The following ZMAT4 variants were observed in gnomAD, a reference collection of about 807,000 sequenced individuals.
The protein encoded by ZMAT4 is zinc finger matrin-type protein 4.
A neutral mutation model predicts 28.7 loss-of-function variants in ZMAT4; 17 were observed. The ratio of observed to expected loss-of-function variants is 0.59; its 90% CI spans 0.41 to 0.89. The LOEUF (loss-of-function observed/expected upper bound fraction) is 0.89, where lower values mean the gene tolerates loss of function less well. ZMAT4 is among the 40% of genes least tolerant of loss of function. ZMAT4 has a pLI of 0.00. For synonymous variants in ZMAT4, 117 were observed against 109.2 expected (o/e 1.07, Z -0.44); for missense variants, 240 against 283.8 (o/e 0.85, Z 1.11).
At chr8:40,847,242 C>T (rs1368300982) in intron 1 of ZMAT4, among the ~76,000 whole-genome samples, 1 of 150,580 alleles carries the variant, frequency 6.6e-6, no homozygotes, top group Non-Finnish European at 1.5e-5. Context: ...TGGGGGAAAT[C>T]CAGTCACCTT....
At chr8:40,869,508 A>C (rs1460332034) in intron 1 of ZMAT4, among the ~76,000 whole-genome samples, 1 of 152,214 alleles carries the variant, frequency 6.6e-6, no homozygotes, top group East Asian at 1.9e-4. Context: ...CTCAGTCTCA[A>C]CTGCATTATC....
At chr8:40,721,311 T>C (rs1811082354) in intron 3 of ZMAT4, among the ~76,000 whole-genome samples, 1 of 131,642 alleles carries the variant, frequency 7.6e-6, no homozygotes, top group African/African-American at 2.9e-5. Context: ...CATGAACTCA[T>C]CATTTTTTAT....
intron 2 of ZMAT4, among the ~76,000 whole-genome samples, chr8:40,796,027 T>C (rs1043153589): frequency 1.3e-5 from 2 of 152,194 alleles, no homozygotes; most frequent in African/African-American, 4.8e-5. Context: ...TGTGAAGAGA[T>C]AGAGAATAGC....
At chr8:40,634,770 A>T (rs1806729061) in intron 5 of ZMAT4, among the ~76,000 whole-genome samples, 1 of 152,214 alleles carries the variant, frequency 6.6e-6, no homozygotes, top group Admixed American at 6.5e-5. Flanking sequence ...AGCAAACGCC[A>T]ATAATCTCAT....
At chr8:40,816,376 A>T (rs1278973382) in intron 2 of ZMAT4, among the ~76,000 whole-genome samples, 1 of 152,146 alleles carries the variant, frequency 6.6e-6, no homozygotes, top group Non-Finnish European at 1.5e-5. Context: ...AATGACTATA[A>T]TGTAAGGAAG....
chr8:40,809,008 A>G (rs1327919521), intron 2 of ZMAT4, among the ~76,000 whole-genome samples: 1 of 152,188 alleles, frequency 6.6e-6, no homozygotes, highest in Non-Finnish European at 1.5e-5. Context: ...AGACACATAC[A>G]CTAGTATGTT....
intron 5 of ZMAT4, among the ~76,000 whole-genome samples, chr8:40,618,991 C>CA (rs1806110576): frequency 2.0e-5 from 3 of 152,188 alleles, no homozygotes; most frequent in Non-Finnish European, 2.9e-5. Flanking sequence ...ATACTGGGAA[C>CA]TCTGGGAGCG....
At chr8:40,766,931 C>T (rs908276523) in intron 3 of ZMAT4, among the ~76,000 whole-genome samples, 2 of 152,156 alleles carry the variant, frequency 1.3e-5, no homozygotes, top group East Asian at 1.9e-4. Context: ...ACTCAAAGGG[C>T]GAGGAATTTC....
At chr8:40,575,889 T>C (rs997147720) in intron 6 of ZMAT4, among the ~76,000 whole-genome samples, 8 of 151,790 alleles carry the variant, frequency 5.3e-5, no homozygotes, top group African/African-American at 1.9e-4. Flanking sequence ...TACAAGAGAA[T>C]ACAGATAGAC....
intron 5 of ZMAT4, among the ~76,000 whole-genome samples, chr8:40,638,341 T>C (rs1469631789): frequency 6.6e-6 from 1 of 152,242 alleles, no homozygotes; most frequent in East Asian, 1.9e-4. Flanking sequence ...TATGCAATTA[T>C]GATTTGTCAA....
At position 40,530,689 on chromosome 8, in the gene ZMAT4, G is replaced by A. The variant is rs1244873936; in HGVS notation, c.*1534C>T. On this transcript the variant is annotated 3_prime_UTR_variant, in exon 7 of 7. Transcript: ENST00000297737. ...CACATCCGAAGAAACACCATCACAG[G>A]AGGTTTGTAGGTCGGCTGTGTGCTT... is the stretch of plus-strand genomic sequence containing the variant. 1 of 152,596 alleles carries A rather than the reference G, an allele frequency of 6.6e-6. No individual in the cohort carries two copies. Among genetic ancestry groups the A allele is most frequent in the Non-Finnish European group, 1.5e-5 (1 of 68,034 alleles). 9.5% of individuals were successfully genotyped at this position (152,596 alleles called of 1,614,324 possible).
Position 40,701,094 on chromosome 8 carries a change from AG to A in ZMAT4, c.193-3694del, listed in dbSNP as rs1270322204. On this transcript the variant is annotated intron_variant, in intron 3 of 6. Transcript: ENST00000297737. ...TTTTCCAACTGACAGAAAGATGGCCAGGTAAAGAACCAGAGGTGACAACAAT... is the reference window on the plus strand; with the variant it reads ...TTTTCCAACTGACAGAAAGATGGCCAGTAAAGAACCAGAGGTGACAACAAT... Among the ~76,000 whole-genome samples the A allele has an allele frequency of 7.2e-5, 11 of 152,328 alleles. No individual in the cohort carries two copies. The East Asian group carries it at 2.1e-3, about 29-fold the overall frequency.
In ZMAT4 at chr8:40,885,786, A is replaced by T. The variant is rs1316662628; in HGVS notation, c.-5+11897T>A. Among the ~76,000 whole-genome samples, 6 of 152,256 alleles carry T rather than the reference A, an allele frequency of 3.9e-5. No homozygotes were observed. In the South Asian group the frequency reaches 6.2e-4, roughly 16 times the overall value. ...CTTGGGCTGGACTGCTCGTCCCCCAAATACCCACGGGGACCATCCCTCGCT... is the reference window on the plus strand; with the variant it reads ...CTTGGGCTGGACTGCTCGTCCCCCATATACCCACGGGGACCATCCCTCGCT... On this transcript the variant is annotated intron_variant, in intron 1 of 6. Coordinates refer to ENST00000297737, the MANE Select transcript of ZMAT4 (RefSeq NM_024645.3).
chr8:40,678,869 A>T (rs1013922939), intron 4 of ZMAT4, among the ~76,000 whole-genome samples: 2 of 152,238 alleles, frequency 1.3e-5, no homozygotes, highest in Non-Finnish European at 2.9e-5. Context: ...TGGTATAAAC[A>T]TACATACATA....
At chr8:40,708,622 T>A (rs1810470036) in intron 3 of ZMAT4, among the ~76,000 whole-genome samples, 1 of 137,418 alleles carries the variant, frequency 7.3e-6, no homozygotes, top group Non-Finnish European at 1.6e-5. Flanking sequence ...AAAGAAGCTC[T>A]GTTAAGTTAG....
intron 4 of ZMAT4, among the ~76,000 whole-genome samples, chr8:40,683,472 T>TCC: frequency 6.6e-6 from 1 of 152,330 alleles, no homozygotes; most frequent in East Asian, 1.9e-4. Context: ...TTTTAACATT[T>TCC]TGAGGAAAGC....
At chr8:40,599,955 A>C (rs1486363439) in intron 5 of ZMAT4, among the ~76,000 whole-genome samples, 2 of 151,452 alleles carry the variant, frequency 1.3e-5, no homozygotes, top group African/African-American at 4.9e-5. Context: ...AGAGTGTGGG[A>C]CTCCCCTTGG....
chr8:40,553,536 C>T (rs1279281726), intron 6 of ZMAT4, among the ~76,000 whole-genome samples: 1 of 152,138 alleles, frequency 6.6e-6, no homozygotes, highest in Non-Finnish European at 1.5e-5. Context: ...ATAGGAATGT[C>T]TATCTGGGCA....
At chr8:40,633,258 C>G (rs567214151) in intron 5 of ZMAT4, among the ~76,000 whole-genome samples, 17 of 151,708 alleles carry the variant, frequency 1.1e-4, no homozygotes, top group African/African-American at 4.1e-4. Context: ...CACATTCATC[C>G]CTCAAATCTA....
Sources: gnomAD v4.1 joint callset for allele counts (sites outside exome capture counted in the v4.1 genomes callset) on GRCh38, gnomAD v4.1.1 for gene constraint, MANE v1.5 for transcripts, NCBI Gene and HGNC (gene_info 2026-07-23, HGNC 2026-07-21) for gene names.